The following SENP1 variants were observed in gnomAD, a reference collection of about 807,000 sequenced individuals.
SENP1 encodes sentrin-specific protease 1.
A neutral mutation model predicts 93.0 loss-of-function variants in SENP1; 21 were observed. The observed-to-expected ratio is 0.23, with a 90% confidence interval of 0.16 to 0.33. The LOEUF is 0.33. SENP1 is among the 10% of genes least tolerant of loss of function. The probability of loss-of-function intolerance (pLI) is 1.00; values close to 1 mark genes in which losing one functional copy is unlikely to be tolerated. For synonymous variants in SENP1, 256 were observed against 259.6 expected (o/e 0.99, Z 0.13); for missense variants, 591 against 758.7 (o/e 0.78, Z 2.60).
chr12:48,077,765 A>G (rs1944203873), intron 6 of SENP1, among the ~76,000 whole-genome samples: 1 of 151,342 alleles, frequency 6.6e-6, no homozygotes, highest in Non-Finnish European at 1.5e-5. Context: ...TAACGGGTTC[A>G]TTTCTAAGTT....
intron 13 of SENP1, among the ~76,000 whole-genome samples, chr12:48,050,687 A>G (rs1941731756): frequency 6.6e-6 from 1 of 152,226 alleles, no homozygotes; most frequent in Non-Finnish European, 1.5e-5. Context: ...ATGGTGCTAA[A>G]GACTGCCTCT....
In SENP1 at chr12:48,056,280, A is replaced by G. The variant is rs1201138479; in HGVS notation, c.1408-7148T>C. ...TTATATATTACTTAATGTATTATAT[A>G]TTACATATATAAAATATTATTTAAT... On this transcript the variant is annotated intron_variant, in intron 13 of 17. Coordinates refer to ENST00000549518, the MANE Select transcript of SENP1 (RefSeq NM_001267594.2). Among the ~76,000 whole-genome samples, 26 of 118,242 alleles carry G rather than the reference A, an allele frequency of 2.2e-4. No homozygotes were observed. In the East Asian group the frequency reaches 5.9e-3, roughly 27 times the overall value. 77.6% of individuals were successfully genotyped at this position (118,242 alleles called of 152,430 possible).
At chr12:48,098,227 T>C in intron 2 of SENP1, 103 bp from the exon 3 acceptor site, 2 of 1,183,526 alleles carry the variant, frequency 1.7e-6, no homozygotes, top group Non-Finnish European at 2.3e-6. Flanking sequence ...CACCCAGGCA[T>C]GGTGTCTCAT....
chr12:48,050,140 G>A (rs540999719), intron 13 of SENP1, among the ~76,000 whole-genome samples: 1 of 152,324 alleles, frequency 6.6e-6, no homozygotes, highest in South Asian at 2.1e-4. Context: ...GCCAGTGTCT[G>A]TCAACTGCAA....
At chr12:48,081,159 C>A (rs1198100479) in intron 6 of SENP1, among the ~76,000 whole-genome samples, 1 of 152,162 alleles carries the variant, frequency 6.6e-6, no homozygotes, top group Non-Finnish European at 1.5e-5. Context: ...AGCTGTCATG[C>A]TGCTGTTGTC....
At chr12:48,075,796 G>C (rs1478737709) in intron 6 of SENP1, among the ~76,000 whole-genome samples, 1 of 152,096 alleles carries the variant, frequency 6.6e-6, no homozygotes, top group Admixed American at 6.5e-5. Context: ...AAAATTAAAG[G>C]GTAAGAGAAT....
Position 48,098,048 on chromosome 12 carries a change from G to A in SENP1, c.81C>T (p.His27=), listed in dbSNP as rs897522488. The change falls in exon 3 of 18, where the codon CAC becomes CAT. Residue 27 remains histidine (H), a synonymous_variant. Coordinates refer to ENST00000549518, the MANE Select transcript of SENP1 (RefSeq NM_001267594.2). ...CTGGAAAACCTGTTTGTGGCAGGAG[G>A]TGGGTTTTGAATACGGAGTTGTGGT... is the stretch of plus-strand genomic sequence containing the variant. ...LVNHNSVFKT[H]LLPQTGFPED... 3.7e-6 allele frequency: 6 copies of A among 1,613,664 alleles called. No individual in the cohort carries two copies.
intron 13 of SENP1, among the ~76,000 whole-genome samples, chr12:48,052,024 C>T (rs796616522): frequency 5.3e-5 from 8 of 152,302 alleles, no homozygotes; most frequent in African/African-American, 1.9e-4. Context: ...GCAGCCTTGG[C>T]CATAAGCATC....
intron 17 of SENP1, 109 bp from the exon 18 acceptor site, chr12:48,045,493 G>T (rs1941297598): frequency 1.2e-6 from 1 of 812,138 alleles, no homozygotes. Flanking sequence ...AGTCTCAGTT[G>T]TATTTCTGGT....
In SENP1 at chr12:48,050,908, G is replaced by A. The variant is rs78160062; in HGVS notation, c.1408-1776C>T. Among the ~76,000 whole-genome samples the A allele has an allele frequency of 4.7e-3, 720 of 152,236 alleles. 7 individuals carry two copies. Among genetic ancestry groups the A allele is most frequent in the African/African-American group, 0.016 (645 of 41,540 alleles). The stretch of plus-strand genomic sequence containing the variant: ...AGATGATCTGCCAGTTACTGTAAGC[G>A]AAACCTTCCATAGGGGCAGACAGCT... On this transcript the variant is annotated intron_variant, in intron 13 of 17. Transcript: ENST00000549518.
intron 10 of SENP1, among the ~76,000 whole-genome samples, chr12:48,066,442 A>G (rs561781366): frequency 2.0e-5 from 3 of 152,286 alleles, no homozygotes; most frequent in South Asian, 2.1e-4. Flanking sequence ...TTTAATAAAC[A>G]TAAGTATAGA....
At chr12:48,064,119 G>A (rs184202454) in intron 12 of SENP1, among the ~76,000 whole-genome samples, 52 of 152,020 alleles carry the variant, frequency 3.4e-4, no homozygotes, top group African/African-American at 1.3e-3. Context: ...ACAACCTTCC[G>A]CTATCAAATT....
intron 5 of SENP1, 79 bp downstream of exon 5, chr12:48,088,722 T>G (rs529768022): frequency 3.0e-6 from 4 of 1,319,536 alleles, no homozygotes; most frequent in East Asian, 4.9e-5. Flanking sequence ...AAAATCCCAA[T>G]GTAATAACTA....
intron 8 of SENP1, 77 bp from the exon 9 acceptor site, chr12:48,071,798 C>T (rs1943725875): frequency 3.2e-6 from 3 of 950,186 alleles, no homozygotes; most frequent in Admixed American, 4.4e-5. Context: ...AGTTTAAGTT[C>T]CCATACTTTG....
intron 14 of SENP1, 90 bp from the exon 15 acceptor site, chr12:48,048,170 C>T: frequency 1.3e-6 from 1 of 757,806 alleles, no homozygotes; most frequent in Non-Finnish European, 2.3e-6. Context: ...GAACCTTTTG[C>T]CAGACTTCCT....
At chr12:48,081,820 C>T (rs558077378) in intron 6 of SENP1, among the ~76,000 whole-genome samples, 3 of 152,194 alleles carry the variant, frequency 2.0e-5, no homozygotes, top group South Asian at 4.1e-4. Context: ...CCTGCTTTTG[C>T]TTCCCAAAGT....
At chr12:48,065,946 C>A (rs1270680845) in intron 10 of SENP1, among the ~76,000 whole-genome samples, 1 of 152,104 alleles carries the variant, frequency 6.6e-6, no homozygotes, top group Non-Finnish European at 1.5e-5. Context: ...CAAGCGACCC[C>A]CCTACCTTGG....
rs886139393 is a variant in SENP1, at chr12:48,083,708, T to A, written c.435A>T (p.Ala145=). 2 of 1,613,250 alleles carry A rather than the reference T, an allele frequency of 1.2e-6. No homozygotes were observed. Among genetic ancestry groups the A allele is most frequent in the African/African-American group, 2.7e-5 (2 of 74,930 alleles). Residue 145 remains alanine (A), a synonymous_variant, in exon 6 of 18, where the codon GCA becomes GCT. Coordinates refer to ENST00000549518, the MANE Select transcript of SENP1 (RefSeq NM_001267594.2). ...GTTTAATAGGAAAAGATTTTTCATATGCAGATACATGGCAGTGATGGTTTG... is the reference window on the plus strand; with the variant it reads ...GTTTAATAGGAAAAGATTTTTCATAAGCAGATACATGGCAGTGATGGTTTG... ...GKSNHHCHVS[A]YEKSFPIKPV... is the part of the protein sequence containing the mutation.
Position 48,078,332 on chromosome 12 carries a change from T to TACACACACAC in SENP1, c.553-3540_553-3539insGTGTGTGTGT, listed in dbSNP as rs1944259462. On this transcript the variant is annotated intron_variant, in intron 6 of 17. Transcript: ENST00000549518. Reference sequence around the variant, plus strand: ...CTGTAGGATTTTATATATATATATATATACACACACATATATATATACACA... The same window carrying TACACACACAC: ...CTGTAGGATTTTATATATATATATATACACACACACATACACACACATATATATATACACA... 2.4e-5 allele frequency among the ~76,000 whole-genome samples: 2 copies of TACACACACAC among 83,862 alleles called. 1 individual carries two copies. The allele number at this position is 83,862 out of a possible 152,430, so 55.0% of individuals were successfully genotyped here.
Sources: allele counts gnomAD v4.1 joint callset (sites outside exome capture counted in the v4.1 genomes callset), GRCh38; gene constraint gnomAD v4.1.1; transcripts MANE v1.5; gene names NCBI Gene and HGNC (gene_info 2026-07-23, HGNC 2026-07-21).